PLPP4: variants seen among roughly 807,000 people sequenced by gnomAD.
PLPP4 encodes the protein diacylglycerol pyrophosphate like 2.
In PLPP4, 20 loss-of-function variants were observed where a neutral mutation model predicts 32.2. The observed-to-expected ratio is 0.62, with a 90% CI of 0.44 to 0.90. The LOEUF (loss-of-function observed/expected upper bound fraction) is 0.90. Ranked by LOEUF, PLPP4 falls within the 40% of genes least tolerant of loss-of-function variation. The pLI, the probability that PLPP4 is intolerant of heterozygous loss-of-function variation, is 0.00. For synonymous variants in PLPP4, 127 were observed against 133.0 expected, an observed-to-expected ratio of 0.95 and a Z score of 0.31; for missense variants, 257 against 353.1, an observed-to-expected ratio of 0.73 and a Z score of 2.18.
At chr10:120,504,071 T>C (rs1171509957) in intron 2 of PLPP4, 145 bp downstream of exon 2, 1 of 629,200 alleles carries the variant, frequency 1.6e-6, no homozygotes, top group African/African-American at 1.8e-5. Flanking sequence ...AAAATCCAGT[T>C]CCATGTCATG....
intron 1 of PLPP4, among the ~76,000 whole-genome samples, chr10:120,488,301 C>CTGAA (rs1844556527): frequency 1.3e-5 from 2 of 152,282 alleles, no homozygotes; most frequent in South Asian, 4.1e-4. Context: ...TCAATATGTG[C>CTGAA]TGAATGAATG....
chr10:120,553,532 G>C lies in PLPP4; in HGVS notation c.446-21599G>C, dbSNP rs146063826. On this transcript the variant is annotated intron_variant, in intron 5 of 6. Coordinates refer to ENST00000398250, the MANE Select transcript of PLPP4 (RefSeq NM_001030059.3). ...GAAATAAATTTTTGTTGTTTATAAAGTACCCAGTGTATGGTATTTGTTATA... is the reference window on the plus strand; with the variant it reads ...GAAATAAATTTTTGTTGTTTATAAACTACCCAGTGTATGGTATTTGTTATA... 4.7e-3 allele frequency among the ~76,000 whole-genome samples: 723 copies of C among 152,322 alleles called. 5 individuals are homozygous for C. Among genetic ancestry groups the C allele is most frequent in the African/African-American group, 0.017 (693 of 41,572 alleles).
At chr10:120,474,775 A>G (rs1358549429) in intron 1 of PLPP4, among the ~76,000 whole-genome samples, 1 of 152,198 alleles carries the variant, frequency 6.6e-6, no homozygotes, top group African/African-American at 2.4e-5. Flanking sequence ...GTAATAACTA[A>G]TATTTATTGA....
At position 120,577,551 on chromosome 10, in the gene PLPP4, C is replaced by T. The variant is rs77049885; in HGVS notation, c.616+2250C>T. 6.2e-3 allele frequency among the ~76,000 whole-genome samples: 945 copies of T among 152,246 alleles called. 10 individuals carry two copies. Among genetic ancestry groups the T allele is most frequent in the African/African-American group, 0.02 (845 of 41,544 alleles). ...TTGAAACCGTACTATCCAACAGGCA[C>T]AGAAAGGAACTATGAGCAGTCAAGG... On this transcript the variant is annotated intron_variant, in intron 6 of 6. Coordinates refer to ENST00000398250, the MANE Select transcript of PLPP4 (RefSeq NM_001030059.3).
chr10:120,474,566 A>C (rs577524159), intron 1 of PLPP4, among the ~76,000 whole-genome samples: 8 of 152,294 alleles, frequency 5.3e-5, no homozygotes, highest in South Asian at 4.1e-4. Flanking sequence ...TGGACCAATA[A>C]AAAATCTTCA....
intron 1 of PLPP4, among the ~76,000 whole-genome samples, chr10:120,466,508 G>A (rs1848321131): frequency 6.6e-6 from 1 of 152,156 alleles, no homozygotes; most frequent in African/African-American, 2.4e-5. Context: ...CACGCTTTAC[G>A]GCTCCATTTC....
intron 5 of PLPP4, among the ~76,000 whole-genome samples, chr10:120,567,459 T>G (rs1427189708): frequency 2.0e-5 from 3 of 152,206 alleles, no homozygotes; most frequent in Non-Finnish European, 4.4e-5. Context: ...AGTGAATAGA[T>G]GAGATTGTTG....
Position 120,503,941 on chromosome 10 carries a change from T to A in PLPP4, c.165+15T>A, listed in dbSNP as rs746527399. On this transcript the variant is annotated intron_variant, in intron 2 of 6. Transcript: ENST00000398250. ...GCCTCATGTTTGTAAGTACCATGATTTCATTCCTTATTTGACTGCTCTCTC... is the reference window on the plus strand; with the variant it reads ...GCCTCATGTTTGTAAGTACCATGATATCATTCCTTATTTGACTGCTCTCTC... 4.6e-5 allele frequency: 69 copies of A among 1,515,034 alleles called. No individual in the cohort carries two copies. The highest frequency in any genetic ancestry group is 6.1e-5 in the Non-Finnish European group (67 of 1,090,724). 93.8% of individuals were successfully genotyped at this position (1,515,034 alleles called of 1,614,324 possible). A position where few individuals can be genotyped will look rare whatever the true frequency, so the allele number is the denominator to read the frequency against.
intron 2 of PLPP4, among the ~76,000 whole-genome samples, chr10:120,505,194 A>G (rs1020053701): frequency 1.7e-4 from 26 of 152,240 alleles, no homozygotes; most frequent in Non-Finnish European, 8.8e-5. Context: ...AAGGTCACAC[A>G]GCTAGTGAGC....
intron 1 of PLPP4, among the ~76,000 whole-genome samples, chr10:120,500,896 A>G (rs555559141): frequency 2.0e-5 from 3 of 152,308 alleles, no homozygotes; most frequent in East Asian, 1.9e-4. Flanking sequence ...ACTTTTCCCA[A>G]CAAGATTGTT....
At position 120,532,127 on chromosome 10, in the gene PLPP4, G is replaced by T. The variant is rs558651750; in HGVS notation, c.445+11032G>T. Reference sequence around the variant, plus strand: ...CTCCCTGTGTCCATGTGTTCTCATTGTTCAACTCCCACTTATGAGTGGGAA... The same window carrying T: ...CTCCCTGTGTCCATGTGTTCTCATTTTTCAACTCCCACTTATGAGTGGGAA... On this transcript the variant is annotated intron_variant, in intron 5 of 6. Coordinates refer to ENST00000398250, the MANE Select transcript of PLPP4 (RefSeq NM_001030059.3). 4.5e-4 allele frequency among the ~76,000 whole-genome samples: 69 copies of T among 152,062 alleles called. 1 individual carries two copies. The South Asian group carries it at 0.014, about 32-fold the overall frequency.
intron 6 of PLPP4, among the ~76,000 whole-genome samples, chr10:120,580,678 C>CACACACACACACACAA (rs1554899936): frequency 0.038 from 5,184 of 137,908 alleles, 185 homozygotes; most frequent in Non-Finnish European, 0.042. Flanking sequence ...CACACACACA[C>CACACACACACACACAA]ACGGCTGAGG....
At chr10:120,488,108 G>T (rs1217313538) in intron 1 of PLPP4, among the ~76,000 whole-genome samples, 1 of 152,184 alleles carries the variant, frequency 6.6e-6, no homozygotes, top group African/African-American at 2.4e-5. Context: ...TATTCAGGAA[G>T]GGCCTGGATG....
chr10:120,572,547 G>C (rs1848992835), intron 5 of PLPP4, among the ~76,000 whole-genome samples: 1 of 152,238 alleles, frequency 6.6e-6, no homozygotes, highest in Non-Finnish European at 1.5e-5. Context: ...CCTCTCCCCT[G>C]ATTCAGATCT....
chr10:120,479,221 A>G lies in PLPP4; in HGVS notation c.56+21860A>G, dbSNP rs1158391624. On this transcript the variant is annotated intron_variant, in intron 1 of 6. Coordinates refer to ENST00000398250, the MANE Select transcript of PLPP4 (RefSeq NM_001030059.3). ...AGCCTGGGCCACAGAGCGAGACTCC[A>G]TCTCAAAACAAAACAAAACAAAAAC... is the stretch of plus-strand genomic sequence containing the variant. Among the ~76,000 whole-genome samples, 17 of 151,684 alleles carry G rather than the reference A, an allele frequency of 1.1e-4. No individual in the cohort carries two copies. In the East Asian group the frequency reaches 2.7e-3, roughly 24 times the overall value.
At chr10:120,504,108 G>A (rs1845390366) in intron 2 of PLPP4, among the ~76,000 whole-genome samples, 182 bp downstream of exon 2, 1 of 152,226 alleles carries the variant, frequency 6.6e-6, no homozygotes, top group Admixed American at 6.5e-5. Flanking sequence ...CATGTGAGAA[G>A]TAGTCTGTTA....
intron 5 of PLPP4, among the ~76,000 whole-genome samples, chr10:120,544,247 A>G (rs1847502959): frequency 1.3e-5 from 2 of 152,146 alleles, no homozygotes; most frequent in African/African-American, 4.8e-5. Flanking sequence ...TACATATCCA[A>G]CGTCCTTGCC....
chr10:120,510,030 C>T lies in PLPP4; in HGVS notation c.166-3881C>T, dbSNP rs180718247. ...TGTGACTTCCAGCAGGTTGCTGAAC[C>T]TCTCTGTGCTTTATTTTCCTATGCA... On this transcript the variant is annotated intron_variant, in intron 2 of 6. Transcript: ENST00000398250. Among the ~76,000 whole-genome samples the T allele has an allele frequency of 1.1e-3, 173 of 152,308 alleles. 1 individual carries two copies. Among genetic ancestry groups the T allele is most frequent in the African/African-American group, 3.9e-3 (163 of 41,566 alleles).
chr10:120,576,098 G>T (rs1461355918), intron 6 of PLPP4, among the ~76,000 whole-genome samples: 8 of 152,184 alleles, frequency 5.3e-5, no homozygotes, highest in Non-Finnish European at 1.2e-4. Flanking sequence ...CTCTCTAGGG[G>T]TGCATCTGGA....
Sources: allele counts gnomAD v4.1 joint callset (sites outside exome capture counted in the v4.1 genomes callset), GRCh38; gene constraint gnomAD v4.1.1; transcripts MANE v1.5; gene names NCBI Gene and HGNC (gene_info 2026-07-23, HGNC 2026-07-21).